PIGK: variants seen among roughly 807,000 people sequenced by gnomAD.
The protein encoded by PIGK is GPI-anchor transamidase.
A neutral mutation model predicts 50.6 loss-of-function variants in PIGK; 42 were observed. That is an observed-to-expected ratio of 0.83 (90% CI 0.65 to 1.07). The LOEUF (loss-of-function observed/expected upper bound fraction) is 1.07. PIGK is among the 50% of genes least tolerant of loss of function. The pLI is 0.00. For synonymous variants in PIGK, 151 were observed against 156.0 expected (o/e 0.97, Z 0.24); for missense variants, 448 against 488.7 (o/e 0.92, Z 0.78).
chr1:77,157,594 T>A (rs1196069867), intron 8 of PIGK, among the ~76,000 whole-genome samples: 1 of 152,182 alleles, frequency 6.6e-6, no homozygotes, highest in Non-Finnish European at 1.5e-5. Flanking sequence ...GTGACTATAA[T>A]TTTTTTACAG....
At chr1:77,193,067 G>A (rs747798402) in intron 3 of PIGK, among the ~76,000 whole-genome samples, 3 of 152,178 alleles carry the variant, frequency 2.0e-5, no homozygotes, top group Non-Finnish European at 4.4e-5. Context: ...TCCCACTCAT[G>A]CTTTGGCCAA....
At chr1:77,136,271 T>C (rs935578806) in intron 9 of PIGK, among the ~76,000 whole-genome samples, 2 of 152,108 alleles carry the variant, frequency 1.3e-5, no homozygotes, top group Non-Finnish European at 2.9e-5. Context: ...GGCTCACGCC[T>C]GTAATCCCAG....
Position 77,090,733 on chromosome 1 carries a change from T to C in PIGK, c.*1641A>G, listed in dbSNP as rs902899830. 6 of 152,246 alleles carry C rather than the reference T, an allele frequency of 3.9e-5. No homozygotes were observed. Among genetic ancestry groups the C allele is most frequent in the African/African-American group, 7.2e-5 (3 of 41,462 alleles). 9.4% of individuals were successfully genotyped at this position (152,246 alleles called of 1,614,324 possible). Reference sequence around the variant, plus strand: ...ATCTTTTTGTGTCTCAGTGCTACTATAATCAGTCTATTCAATTGCAAGTTT... The same window carrying C: ...ATCTTTTTGTGTCTCAGTGCTACTACAATCAGTCTATTCAATTGCAAGTTT... On this transcript the variant is annotated 3_prime_UTR_variant, in exon 11 of 11. Coordinates refer to ENST00000370812, the MANE Select transcript of PIGK (RefSeq NM_005482.3).
At chr1:77,133,516 A>G (rs1330499986) in intron 9 of PIGK, among the ~76,000 whole-genome samples, 1 of 152,166 alleles carries the variant, frequency 6.6e-6, no homozygotes, top group Non-Finnish European at 1.5e-5. Flanking sequence ...TTCTCTTGGT[A>G]TATGATTACG....
At chr1:77,207,396 T>C (rs953838016) in intron 2 of PIGK, among the ~76,000 whole-genome samples, 1 of 152,162 alleles carries the variant, frequency 6.6e-6, no homozygotes, top group African/African-American at 2.4e-5. Flanking sequence ...CTTCACAGAA[T>C]AGAGAAGAAA....
chr1:77,167,220 A>G (rs1474241536), intron 4 of PIGK, among the ~76,000 whole-genome samples: 1 of 152,096 alleles, frequency 6.6e-6, no homozygotes, highest in Non-Finnish European at 1.5e-5. Flanking sequence ...GTATGGTAAC[A>G]TGCTCCTGTA....
At chr1:77,158,108 C>A (rs1235709503) in intron 8 of PIGK, among the ~76,000 whole-genome samples, 2 of 152,190 alleles carry the variant, frequency 1.3e-5, no homozygotes, top group Non-Finnish European at 2.9e-5. Flanking sequence ...CCTCTGCCTC[C>A]CAGGTTCAAG....
chr1:77,111,459 G>C (rs1653841104), intron 10 of PIGK, among the ~76,000 whole-genome samples: 1 of 152,078 alleles, frequency 6.6e-6, no homozygotes, highest in African/African-American at 2.4e-5. Context: ...CCTTTGTAGG[G>C]ACATGGATGA....
chr1:77,135,675 A>G, intron 9 of PIGK, among the ~76,000 whole-genome samples: 1 of 151,458 alleles, frequency 6.6e-6, no homozygotes, highest in East Asian at 1.9e-4. Flanking sequence ...TTCTCCTGCA[A>G]TGTTTCTGAT....
chr1:77,173,181 A>G (rs1422829511), intron 3 of PIGK, among the ~76,000 whole-genome samples: 5 of 152,188 alleles, frequency 3.3e-5, no homozygotes, highest in African/African-American at 1.2e-4. Context: ...AGATCTTACT[A>G]AAGATAACTT....
At chr1:77,100,942 G>A (rs1442011001) in intron 10 of PIGK, among the ~76,000 whole-genome samples, 1 of 152,160 alleles carries the variant, frequency 6.6e-6, no homozygotes, top group African/African-American at 2.4e-5. Flanking sequence ...TTACAGTCCT[G>A]GTGGATGCCT....
chr1:77,201,587 T>C (rs958086694), intron 3 of PIGK, among the ~76,000 whole-genome samples: 9 of 151,466 alleles, frequency 5.9e-5, no homozygotes, highest in African/African-American at 2.2e-4. Context: ...TGGCAAAACC[T>C]TGTCTCTATT....
rs138140046 is a variant in PIGK at position 77,172,705 on chromosome 1, C to T, written c.240-3310G>A. On this transcript the variant is annotated intron_variant, in intron 3 of 10. Coordinates refer to ENST00000370812, the MANE Select transcript of PIGK (RefSeq NM_005482.3). ...TTGGGAGGTGGAGGAGGGTGGATCA[C>T]GAGGTCAGGAGATTGAGACCATCCT... Among the ~76,000 whole-genome samples the T allele has an allele frequency of 9.3e-3, 1,418 of 152,084 alleles. 22 individuals are homozygous for T. The highest frequency in any genetic ancestry group is 0.032 in the African/African-American group (1,308 of 41,504).
Position 77,196,748 on chromosome 1 carries a change from T to C in PIGK, c.239+9892A>G, listed in dbSNP as rs112206778. ...TATCAGATGCACAGTTTGTAAATAT[T>C]TTCTCCCACTCTGTAGGTTGTCCGT... is the stretch of plus-strand genomic sequence containing the variant. On this transcript the variant is annotated intron_variant, in intron 3 of 10. Coordinates refer to ENST00000370812, the MANE Select transcript of PIGK (RefSeq NM_005482.3). 4.7e-3 allele frequency among the ~76,000 whole-genome samples: 714 copies of C among 152,318 alleles called. 4 individuals carry two copies. Among genetic ancestry groups the C allele is most frequent in the Middle Eastern group, 0.027 (8 of 294 alleles).
intron 3 of PIGK, among the ~76,000 whole-genome samples, chr1:77,193,284 T>TG (rs1655954057): frequency 4.0e-5 from 6 of 150,776 alleles, no homozygotes; most frequent in African/African-American, 1.2e-4. Context: ...TGTGTGTGTG[T>TG]TTCTCCTAAG....
In PIGK at chr1:77,103,394, A is replaced by G. The variant is rs539912732; in HGVS notation, c.1072-10904T>C. Among the ~76,000 whole-genome samples the G allele has an allele frequency of 2.0e-5, 3 of 152,366 alleles. No individual in the cohort carries two copies. The East Asian group carries it at 5.8e-4, about 29-fold the overall frequency. The stretch of plus-strand genomic sequence containing the variant: ...TCAAATAAATAATAAAGCTTCATTT[A>G]TCAACAGTGTCTACCAGTGTCTGTT... On this transcript the variant is annotated intron_variant, in intron 10 of 10. Coordinates refer to ENST00000370812, the MANE Select transcript of PIGK (RefSeq NM_005482.3).
At chr1:77,169,803 A>G (rs891840363) in intron 3 of PIGK, among the ~76,000 whole-genome samples, 2 of 152,236 alleles carry the variant, frequency 1.3e-5, no homozygotes, top group African/African-American at 2.4e-5. Flanking sequence ...AATATTTTTT[A>G]GTAAAATTTT....
chr1:77,103,836 G>T (rs1312954499), intron 10 of PIGK, among the ~76,000 whole-genome samples: 2 of 152,126 alleles, frequency 1.3e-5, no homozygotes, highest in African/African-American at 4.8e-5. Context: ...TTCTATGCAT[G>T]CATGACAAGA....
At chr1:77,133,850 T>C (rs931917105) in intron 9 of PIGK, among the ~76,000 whole-genome samples, 3 of 152,164 alleles carry the variant, frequency 2.0e-5, no homozygotes. Flanking sequence ...TTTCAAAGGT[T>C]TCTGACTTAC....
Sources: gnomAD v4.1 joint callset for allele counts (sites outside exome capture counted in the v4.1 genomes callset) on GRCh38, gnomAD v4.1.1 for gene constraint, MANE v1.5 for transcripts, NCBI Gene and HGNC (gene_info 2026-07-23, HGNC 2026-07-21) for gene names.